CFAP44: variants seen among roughly 807,000 people sequenced by gnomAD.
CFAP44 encodes the protein cilia- and flagella-associated protein 44.
In CFAP44, 134 loss-of-function variants were observed where a neutral mutation model predicts 216.2. The observed-to-expected ratio is 0.62, with a 90% CI of 0.54 to 0.72. The LOEUF (loss-of-function observed/expected upper bound fraction) is 0.72, where lower values mean the gene tolerates loss of function less well. Among genes scored for constraint, CFAP44 ranks in the 30% least tolerant of loss-of-function variants. CFAP44 has a pLI of 0.00. For synonymous variants in CFAP44, 700 were observed against 727.6 expected (o/e 0.96, Z 0.61); for missense variants, 2,035 against 2,182.1 (o/e 0.93, Z 1.34).
chr3:113,291,658 C>T lies in CFAP44; in HGVS notation c.5464G>A (p.Ala1822Thr). The change falls in exon 35 of 35, where the codon GCC (alanine) becomes ACC (threonine). Residue 1822 changes from alanine (A) to threonine (T), a missense_variant. This residue lies in a region of CFAP44 where 1,883 missense variants were observed against 2,023.7 expected (regional missense o/e 0.93). Coordinates refer to ENST00000393845, the MANE Select transcript of CFAP44 (RefSeq NM_001164496.2). ...LIQLQAERISALKEEIALLRR... is the reference protein window; with the variant it reads ...LIQLQAERISTLKEEIALLRR... ...AAAAGAGCAATCTCCTCCTTTAAGGCCGAAATCCTTTCCGCCTGGAGTTGG... is the reference window on the plus strand; with the variant it reads ...AAAAGAGCAATCTCCTCCTTTAAGGTCGAAATCCTTTCCGCCTGGAGTTGG... 1 of 1,537,364 alleles carries T rather than the reference C, an allele frequency of 6.5e-7. No homozygotes were observed. Among genetic ancestry groups the T allele is most frequent in the Non-Finnish European group, 8.7e-7 (1 of 1,146,962 alleles).
chr3:113,306,219 A>C lies in CFAP44; in HGVS notation c.4740T>G (p.Tyr1580Ter). Residue 1580 changes from tyrosine to a stop codon, truncating the protein, a stop_gained, in exon 30 of 35, where the codon TAT becomes TAG. Coordinates refer to ENST00000393845, the MANE Select transcript of CFAP44 (RefSeq NM_001164496.2). LOFTEE classifies it high-confidence loss of function. ...ACCATACTTTTTTTGACAATGTATC[A>C]TATTCCTTTTTGAGGTTATCAACAA... ...KKIVDNLKKE[Y>*]DTLSKKVKIV... The C allele has an allele frequency of 6.5e-7, 1 of 1,536,856 alleles. No individual in the cohort carries two copies. The highest frequency in any genetic ancestry group is 8.7e-7 in the Non-Finnish European group (1 of 1,146,670).
intron 24 of CFAP44, 23 bp from the exon 25 acceptor site, chr3:113,333,606 C>T (rs1950258175): frequency 6.7e-7 from 1 of 1,488,640 alleles, no homozygotes; most frequent in African/African-American, 1.4e-5. Flanking sequence ...CAGACAACCC[C>T]CCCACACACA....
intron 32 of CFAP44, among the ~76,000 whole-genome samples, chr3:113,301,296 T>C (rs12330211): frequency 6.6e-6 from 1 of 151,994 alleles, no homozygotes; most frequent in South Asian, 2.1e-4. Flanking sequence ...TAGAAGTACA[T>C]GTAAATATAA....
chr3:113,382,007 T>C (rs529406745), intron 15 of CFAP44, among the ~76,000 whole-genome samples: 5 of 152,106 alleles, frequency 3.3e-5, no homozygotes, highest in African/African-American at 4.8e-5. Flanking sequence ...AAATTATAAT[T>C]ATATAATGAG....
Position 113,318,252 on chromosome 3 carries a change from G to A in CFAP44, c.4516+8193C>T, listed in dbSNP as rs191418148. Among the ~76,000 whole-genome samples, 8 of 152,070 alleles carry A rather than the reference G, an allele frequency of 5.3e-5. No homozygotes were observed. The East Asian group carries it at 7.7e-4, about 15-fold the overall frequency. On this transcript the variant is annotated intron_variant, in intron 28 of 34. Coordinates refer to ENST00000393845, the MANE Select transcript of CFAP44 (RefSeq NM_001164496.2). ...AAACATTTTCAGAAAAAAGAAAACC[G>A]AACTCCTAGAGCTAAAAAACTCACT...
chr3:113,366,809 A>T (rs1023832661), intron 18 of CFAP44, among the ~76,000 whole-genome samples: 4 of 152,224 alleles, frequency 2.6e-5, no homozygotes, highest in Non-Finnish European at 5.9e-5. Flanking sequence ...TTTCCTAGCC[A>T]AGGGAAACTG....
At chr3:113,334,402 A>G (rs934881831) in intron 24 of CFAP44, among the ~76,000 whole-genome samples, 7 of 152,226 alleles carry the variant, frequency 4.6e-5, no homozygotes, top group African/African-American at 1.7e-4. Flanking sequence ...ATTGTAAATT[A>G]TCAGAAAAGC....
Position 113,358,807 on chromosome 3 carries a change from C to T in CFAP44, c.3003G>A (p.Val1001=), listed in dbSNP as rs1950513689. 6.5e-7 allele frequency: 1 copy of T among 1,536,686 alleles called. No homozygotes were observed. Among genetic ancestry groups the T allele is most frequent in the African/African-American group, 1.4e-5 (1 of 73,018 alleles). ...CTTTTTCCCAAGCTAATTCCTTTTC[C>T]ACTTGTTGAATTTTGAAAGCTGTTT... The part of the protein sequence containing the change: ...HRKTAFKIQQ[V]EKELAWEKEK... The change falls in exon 22 of 35, where the codon GTG becomes GTA. Residue 1001 remains valine (V), a synonymous_variant. Transcript: ENST00000393845.
chr3:113,360,905 G>T, intron 21 of CFAP44: 1 of 208,976 alleles, frequency 4.8e-6, no homozygotes, highest in Non-Finnish European at 1.0e-5. Context: ...GCTCTCTTGG[G>T]GAAGCTTGAT....
rs550703520 is a variant in CFAP44 at position 113,373,012 on chromosome 3, G to T, written c.2444+399C>A. Among the ~76,000 whole-genome samples the T allele has an allele frequency of 6.4e-4, 98 of 152,138 alleles. 1 individual carries two copies. Among genetic ancestry groups the T allele is most frequent in the African/African-American group, 2.1e-3 (88 of 41,494 alleles). ...AAAAAAGGCCAATTTGAAATTTGAA[G>T]CTATTATATTGGGTCGTCAGAAGAA... On this transcript the variant is annotated intron_variant, in intron 18 of 34. Transcript: ENST00000393845.
At chr3:113,359,801 G>A (rs938286096) in intron 21 of CFAP44, among the ~76,000 whole-genome samples, 1 of 151,968 alleles carries the variant, frequency 6.6e-6, no homozygotes, top group Non-Finnish European at 1.5e-5. Context: ...CCACTAGCAG[G>A]TACATGGGGC....
At position 113,328,634 on chromosome 3, in the gene CFAP44, T is replaced by C. The variant is rs1321228450; in HGVS notation, c.4117-815A>G. On this transcript the variant is annotated intron_variant, in intron 26 of 34. Coordinates refer to ENST00000393845, the MANE Select transcript of CFAP44 (RefSeq NM_001164496.2). The stretch of plus-strand genomic sequence containing the variant: ...AGTAAGTGAGGACCCAGACTGGGGC[T>C]GAGGAGAGAAAGAGATCTGTGGGTT... Among the ~76,000 whole-genome samples the C allele has an allele frequency of 2.3e-5, 3 of 132,116 alleles. No individual in the cohort carries two copies. The South Asian group carries it at 7.0e-4, about 31-fold the overall frequency. The allele number at this position is 132,116 out of a possible 152,430, so 86.7% of individuals were successfully genotyped here.
chr3:113,373,587 G>A (rs200751823), intron 17 of CFAP44, 31 bp from the exon 18 acceptor site: 23 of 1,484,242 alleles, frequency 1.5e-5, no homozygotes, highest in Non-Finnish European at 2.1e-5. Flanking sequence ...ATAGAAGGTG[G>A]TACTTGAATA....
intron 4 of CFAP44, among the ~76,000 whole-genome samples, chr3:113,422,172 G>A (rs886195419): frequency 1.3e-5 from 2 of 152,146 alleles, no homozygotes; most frequent in Non-Finnish European, 2.9e-5. Context: ...CTATAGTGTA[G>A]CTTAAGCAGA....
At chr3:113,396,941 T>A (rs1158229546) in intron 13 of CFAP44, among the ~76,000 whole-genome samples, 1 of 152,208 alleles carries the variant, frequency 6.6e-6, no homozygotes, top group East Asian at 1.9e-4. Flanking sequence ...AAACACTGAA[T>A]GAACAAACAG....
intron 22 of CFAP44, among the ~76,000 whole-genome samples, chr3:113,347,882 G>A (rs1276499651): frequency 6.6e-6 from 1 of 152,098 alleles, no homozygotes; most frequent in African/African-American, 2.4e-5. Context: ...GACTCTAACA[G>A]GTTTTTGAGT....
At chr3:113,437,195 C>T (rs1935258634) in intron 1 of CFAP44, among the ~76,000 whole-genome samples, 2 of 152,064 alleles carry the variant, frequency 1.3e-5, no homozygotes, top group African/African-American at 4.8e-5. Context: ...GTCAAGTTCA[C>T]CTAGTGATTT....
intron 4 of CFAP44, among the ~76,000 whole-genome samples, chr3:113,424,829 G>A (rs1934917445): frequency 1.3e-5 from 2 of 152,220 alleles, no homozygotes; most frequent in African/African-American, 2.4e-5. Flanking sequence ...TGACTCTGAT[G>A]TTTAGAATTT....
At chr3:113,379,167 A>T in intron 17 of CFAP44, 139 bp downstream of exon 17, 1 of 634,308 alleles carries the variant, frequency 1.6e-6, no homozygotes, top group Non-Finnish European at 2.4e-6. Flanking sequence ...CGACTTCAAT[A>T]GTATTTAATA....
Sources: allele counts gnomAD v4.1 joint callset (sites outside exome capture counted in the v4.1 genomes callset), GRCh38; gene constraint gnomAD v4.1.1; regional missense constraint gnomAD v4.1.1; transcripts MANE v1.5; gene names NCBI Gene and HGNC (gene_info 2026-07-23, HGNC 2026-07-21).